Variants in ANKRD26 observed in about 807,000 individuals in gnomAD.
ANKRD26 encodes ankyrin repeat domain-containing protein 26.
In ANKRD26, 141 loss-of-function variants were observed where a neutral mutation model predicts 208.7. The observed-to-expected ratio is 0.68, with a 90% confidence interval of 0.59 to 0.78. ANKRD26 has a LOEUF of 0.78. Ranked by LOEUF, ANKRD26 falls within the 30% of genes least tolerant of loss-of-function variation. The pLI is 0.00. For missense variants in ANKRD26, 1,889 were observed against 1,938.7 expected (o/e 0.97, Z 0.48); for synonymous variants, 636 against 660.4 (o/e 0.96, Z 0.57).
intron 32 of ANKRD26, among the ~76,000 whole-genome samples, chr10:27,011,500 T>C (rs1384660658): frequency 1.4e-5 from 2 of 147,782 alleles, no homozygotes; most frequent in East Asian, 3.9e-4. Flanking sequence ...GGATCAAGCA[T>C]AGTTGATTTT....
intron 31 of ANKRD26, among the ~76,000 whole-genome samples, chr10:27,014,139 A>T (rs1564355049): frequency 6.6e-6 from 1 of 152,154 alleles, no homozygotes; most frequent in Non-Finnish European, 1.5e-5. Flanking sequence ...TTTTCCAAAA[A>T]ACAGCCCAAC....
intron 1 of ANKRD26, among the ~76,000 whole-genome samples, chr10:27,095,542 C>A (rs918611468): frequency 6.6e-6 from 1 of 152,164 alleles, no homozygotes; most frequent in Non-Finnish European, 1.5e-5. Context: ...GTGGTACATG[C>A]CTGTAATCCC....
intron 15 of ANKRD26, among the ~76,000 whole-genome samples, chr10:27,055,693 T>A (rs184873607): frequency 1.3e-5 from 2 of 152,304 alleles, no homozygotes; most frequent in Admixed American, 6.5e-5. Context: ...CAACTATTCA[T>A]TAAAACAAGG....
chr10:26,993,564 A>G (rs139665350), intron 5 of ANKRD26, among the ~76,000 whole-genome samples: 1 of 152,332 alleles, frequency 6.6e-6, no homozygotes, highest in East Asian at 1.9e-4. Flanking sequence ...TGTGGTTACC[A>G]ACTTCTCTAT....
At chr10:27,070,383 G>C (rs1251598722) in intron 9 of ANKRD26, among the ~76,000 whole-genome samples, 1 of 152,142 alleles carries the variant, frequency 6.6e-6, no homozygotes, top group Non-Finnish European at 1.5e-5. Flanking sequence ...CTAGGCGACA[G>C]AGCAAGACTC....
chr10:27,060,562 T>A, intron 13 of ANKRD26, 22 bp from the exon 14 acceptor site: 1 of 1,460,638 alleles, frequency 6.8e-7, no homozygotes. Flanking sequence ...AAGGGACATA[T>A]AATCAATTAT....
At chr10:27,042,429 C>T (rs2135270969) in intron 20 of ANKRD26, among the ~76,000 whole-genome samples, 1 of 151,638 alleles carries the variant, frequency 6.6e-6, no homozygotes, top group South Asian at 2.1e-4. Context: ...CCAGCCTGGC[C>T]AACATGATGA....
At chr10:27,019,993 G>C (rs2053432054) in intron 29 of ANKRD26, among the ~76,000 whole-genome samples, 2 of 152,190 alleles carry the variant, frequency 1.3e-5, no homozygotes, top group African/African-American at 4.8e-5. Context: ...TGTGTCCTGA[G>C]CTTCCTCACA....
At chr10:27,078,740 T>C (rs1360642220) in intron 7 of ANKRD26, among the ~76,000 whole-genome samples, 4 of 152,124 alleles carry the variant, frequency 2.6e-5, no homozygotes, top group Non-Finnish European at 5.9e-5. Context: ...TTTAAAATCA[T>C]AGTAGGAGTG....
intron 13 of ANKRD26, 24 bp from the exon 14 acceptor site, chr10:27,060,564 A>G: frequency 1.4e-6 from 2 of 1,461,748 alleles, no homozygotes. Flanking sequence ...GGGACATATA[A>G]TCAATTATAC....
intron 29 of ANKRD26, among the ~76,000 whole-genome samples, chr10:27,018,141 A>ATTTTTTTTTTTTTTTT (rs11346457): frequency 9.9e-5 from 13 of 131,158 alleles, no homozygotes; most frequent in African/African-American, 3.5e-4. Flanking sequence ...ATGCCCTATA[A>ATTTTTTTTTTTTTTTT]TTTTTTTTTT....
intron 32 of ANKRD26, among the ~76,000 whole-genome samples, chr10:27,011,738 A>T (rs1589211861): frequency 6.6e-6 from 1 of 152,152 alleles, no homozygotes; most frequent in Non-Finnish European, 1.5e-5. Context: ...GATCCAGGGG[A>T]GATGAGGACC....
chr10:27,046,611 A>G lies in ANKRD26; in HGVS notation c.1815-88T>C. ...AGAAAGAGAGTTAAGGAAAAGAAAG[A>G]ATAAAAAATCCATTAAAAAGCCAAT... On this transcript the variant is annotated intron_variant, in intron 17 of 33. Coordinates refer to ENST00000376087, the MANE Select transcript of ANKRD26 (RefSeq NM_014915.3). 4 of 1,320,552 alleles carry G rather than the reference A, an allele frequency of 3.0e-6. No individual in the cohort carries two copies. The South Asian group carries it at 5.4e-5, about 18-fold the overall frequency. The allele number at this position is 1,320,552 out of a possible 1,614,324, so 81.8% of individuals were successfully genotyped here.
rs1224077356 is a variant in ANKRD26, at chr10:27,036,736, A to G, written c.2697+450T>C. Among the ~76,000 whole-genome samples, 3 of 152,240 alleles carry G rather than the reference A, an allele frequency of 2.0e-5. No homozygotes were observed. The East Asian group carries it at 5.8e-4, about 29-fold the overall frequency. ...CTTGCAGTAAACCATTACTCTTCTCAACAGTGAGAAGAATAACATCCAAAA... is the reference window on the plus strand; with the variant it reads ...CTTGCAGTAAACCATTACTCTTCTCGACAGTGAGAAGAATAACATCCAAAA... On this transcript the variant is annotated intron_variant, in intron 23 of 33. Coordinates refer to ENST00000376087, the MANE Select transcript of ANKRD26 (RefSeq NM_014915.3).
chr10:27,033,107 T>A, intron 25 of ANKRD26, 118 bp downstream of exon 25: 1 of 664,444 alleles, frequency 1.5e-6, no homozygotes. Context: ...GATAATAAAA[T>A]TTAAATTAAT....
At chr10:27,060,441 G>T in intron 14 of ANKRD26, 24 bp from the exon 15 acceptor site, 1 of 1,585,548 alleles carries the variant, frequency 6.3e-7, no homozygotes, top group Non-Finnish European at 8.7e-7. Flanking sequence ...GAAACAAAAT[G>T]ATTAATAAAT....
chr10:27,010,654 C>A (rs999283260), intron 32 of ANKRD26, among the ~76,000 whole-genome samples: 1 of 152,034 alleles, frequency 6.6e-6, no homozygotes, highest in African/African-American at 2.4e-5. Context: ...CACCACCATG[C>A]CCAGCTAATT....
In ANKRD26 at chr10:27,079,177, A is replaced by G. The variant is rs1564420806; in HGVS notation, c.741-16T>C. ...GCCAGAAAGCCTTTAGAACAAAAAT[A>G]TAGAAAAATGAGTGAATTCATTTCT... On this transcript the variant is annotated splice_polypyrimidine_tract_variant and intron_variant, in intron 6 of 33. Coordinates refer to ENST00000376087, the MANE Select transcript of ANKRD26 (RefSeq NM_014915.3). 6.2e-7 allele frequency: 1 copy of G among 1,602,622 alleles called. No homozygotes were observed. The highest frequency in any genetic ancestry group is 1.7e-4 in the Middle Eastern group (1 of 6,036).
the ANKRD26 span, among the ~76,000 whole-genome samples, chr10:26,958,453 C>A: frequency 1.3e-5 from 2 of 152,212 alleles, no homozygotes; most frequent in East Asian, 3.9e-4. Context: ...TCCCCTTAAC[C>A]CCCTACAGGT....
Sources: allele counts gnomAD v4.1 joint callset (sites outside exome capture counted in the v4.1 genomes callset), GRCh38; gene constraint gnomAD v4.1.1; transcripts MANE v1.5; gene names NCBI Gene and HGNC (gene_info 2026-07-23, HGNC 2026-07-21).